Variants in TUSC3 observed in about 807,000 individuals in gnomAD.
TUSC3 encodes the protein tumor suppressor candidate 3.
TUSC3 carries 45 observed loss-of-function variants against 44.8 expected under a neutral mutation model. That is an observed-to-expected ratio of 1.00 (90% CI 0.79 to 1.29). The LOEUF (loss-of-function observed/expected upper bound fraction) is 1.29. Ranked by LOEUF, TUSC3 falls within the 50% of genes most tolerant of loss-of-function variation. The probability of loss-of-function intolerance (pLI) is 0.00; values close to 1 mark genes in which losing one functional copy is unlikely to be tolerated. For synonymous variants in TUSC3, 212 were observed against 152.9 expected, an observed-to-expected ratio of 1.39 and a Z score of -2.85; for missense variants, 519 against 437.9, an observed-to-expected ratio of 1.19 and a Z score of -1.65.
At chr8:15,453,608 C>T (rs1800220341) in intron 1 of TUSC3, among the ~76,000 whole-genome samples, 1 of 151,484 alleles carries the variant, frequency 6.6e-6, no homozygotes, top group South Asian at 2.1e-4. Context: ...TGCATAAATG[C>T]ATGAATTTGC....
At chr8:15,581,640 G>A (rs1021756490) in intron 1 of TUSC3, among the ~76,000 whole-genome samples, 2 of 149,634 alleles carry the variant, frequency 1.3e-5, no homozygotes, top group Non-Finnish European at 3.0e-5. Context: ...GGGGGTCAGG[G>A]GTCAGGGACC....
chr8:15,471,730 G>A (rs904402434), intron 1 of TUSC3, among the ~76,000 whole-genome samples: 7 of 151,064 alleles, frequency 4.6e-5, no homozygotes, highest in Non-Finnish European at 8.8e-5. Context: ...CTATTCTCCC[G>A]CCTCACCCTC....
intron 1 of TUSC3, among the ~76,000 whole-genome samples, chr8:15,611,903 C>T (rs1358618351): frequency 1.3e-5 from 2 of 152,152 alleles, no homozygotes; most frequent in East Asian, 3.9e-4. Context: ...GATAACTTTT[C>T]TACTAAATGC....
chr8:15,543,471 ACAT>A (rs1801756517), intron 1 of TUSC3, among the ~76,000 whole-genome samples: 1 of 152,162 alleles, frequency 6.6e-6, no homozygotes, highest in Non-Finnish European at 1.5e-5. Flanking sequence ...TAATTTTATG[ACAT>A]CAGGCAAACG....
chr8:15,447,861 C>G (rs75987524), intron 1 of TUSC3, among the ~76,000 whole-genome samples: 1 of 151,260 alleles, frequency 6.6e-6, no homozygotes, highest in Admixed American at 6.6e-5. Flanking sequence ...ACTCCCTCAT[C>G]GTATTTATAT....
chr8:15,483,649 A>ATATTTTTTTTTTTTTT (rs1800694380), intron 2 of TUSC3, among the ~76,000 whole-genome samples: 18 of 66,162 alleles, frequency 2.7e-4, no homozygotes, highest in African/African-American at 9.9e-4. Context: ...TAGCACTGTG[A>ATATTTTTTTTTTTTTT]TTTTTTTTTT....
chr8:15,664,173 C>A (rs1807552128), intron 5 of TUSC3, among the ~76,000 whole-genome samples: 1 of 151,744 alleles, frequency 6.6e-6, no homozygotes, highest in Admixed American at 6.6e-5. Context: ...ATTCAGTAAT[C>A]TCAACTTGTA....
At chr8:15,738,573 A>G (rs1423684172) in intron 7 of TUSC3, among the ~76,000 whole-genome samples, 1 of 152,122 alleles carries the variant, frequency 6.6e-6, no homozygotes, top group Non-Finnish European at 1.5e-5. Context: ...CATAGCTGGA[A>G]AATACGTGTG....
intron 1 of TUSC3, among the ~76,000 whole-genome samples, chr8:15,464,213 G>A (rs1034834936): frequency 2.6e-5 from 4 of 152,128 alleles, no homozygotes; most frequent in Non-Finnish European, 4.4e-5. Context: ...AGCAAATAGC[G>A]AGTGACTAAT....
At chr8:15,791,174 A>G in the TUSC3 span, among the ~76,000 whole-genome samples, 4 of 152,064 alleles carry the variant, frequency 2.6e-5, no homozygotes, top group Non-Finnish European at 4.4e-5. Flanking sequence ...TGTCTGCCCT[A>G]TTGTTTACCT....
intron 1 of TUSC3, among the ~76,000 whole-genome samples, chr8:15,478,138 G>A (rs907562822): frequency 1.3e-5 from 2 of 151,882 alleles, no homozygotes; most frequent in East Asian, 1.9e-4. Flanking sequence ...TGTATTTTTA[G>A]TAGAGACGGG....
At chr8:15,458,831 T>C (rs911413042) in intron 1 of TUSC3, among the ~76,000 whole-genome samples, 6 of 152,166 alleles carry the variant, frequency 3.9e-5, no homozygotes, top group Non-Finnish European at 8.8e-5. Context: ...TCTTTCTAAG[T>C]TATATTGAAA....
At chr8:15,432,581 G>C (rs1054012491) in intron 1 of TUSC3, among the ~76,000 whole-genome samples, 2 of 152,070 alleles carry the variant, frequency 1.3e-5, no homozygotes, top group African/African-American at 4.8e-5. Context: ...TTGATAATGA[G>C]ACATGGTGTA....
intron 1 of TUSC3, among the ~76,000 whole-genome samples, chr8:15,461,946 T>G (rs1441016488): frequency 2.6e-5 from 4 of 152,078 alleles, no homozygotes; most frequent in Non-Finnish European, 4.4e-5. Context: ...AGCAAAGTTG[T>G]GAAGATGAAA....
intron 1 of TUSC3, among the ~76,000 whole-genome samples, chr8:15,616,860 CCTGG>C (rs766672243): frequency 6.6e-6 from 1 of 152,100 alleles, no homozygotes; most frequent in Non-Finnish European, 1.5e-5. Flanking sequence ...TCGCCGCATG[CCTGG>C]CCCAGCCACA....
chr8:15,508,624 G>A (rs1801091808), intron 2 of TUSC3, among the ~76,000 whole-genome samples: 2 of 151,884 alleles, frequency 1.3e-5, no homozygotes, highest in Non-Finnish European at 1.5e-5. Context: ...ACCATGCCCG[G>A]CTAATTTTTT....
At chr8:15,544,259 A>C (rs1409702174) in intron 1 of TUSC3, among the ~76,000 whole-genome samples, 1 of 152,086 alleles carries the variant, frequency 6.6e-6, no homozygotes, top group Non-Finnish European at 1.5e-5. Flanking sequence ...TTCTAACTTC[A>C]TTAACACTTA....
intron 3 of TUSC3, among the ~76,000 whole-genome samples, chr8:15,651,931 A>G (rs753307772): frequency 6.6e-6 from 1 of 152,174 alleles, no homozygotes; most frequent in Non-Finnish European, 1.5e-5. Context: ...ATCTAGCTTC[A>G]CAGTGAGAGA....
chr8:15,611,298 T>A (rs1252620827), intron 1 of TUSC3, among the ~76,000 whole-genome samples: 1 of 152,100 alleles, frequency 6.6e-6, no homozygotes, highest in Non-Finnish European at 1.5e-5. Flanking sequence ...ACGATTCTCC[T>A]GCCTCAGCCT....
Sources: allele counts gnomAD v4.1 joint callset (sites outside exome capture counted in the v4.1 genomes callset), GRCh38; gene constraint gnomAD v4.1.1; transcripts MANE v1.5; gene names NCBI Gene and HGNC (gene_info 2026-07-23, HGNC 2026-07-21).